DACH2: variants seen among roughly 807,000 people sequenced by gnomAD.
DACH2 encodes the protein dachshund homolog 2.
In DACH2, 17 loss-of-function variants were observed where a neutral mutation model predicts 35.8. That is an observed-to-expected ratio of 0.48 (90% CI 0.33 to 0.71). The LOEUF (loss-of-function observed/expected upper bound fraction) is 0.71. Among genes scored for constraint, DACH2 ranks in the 30% least tolerant of loss-of-function variants. The pLI, the probability that DACH2 is intolerant of heterozygous loss-of-function variation, is 0.02. For synonymous variants in DACH2, 195 were observed against 177.3 expected (o/e 1.10, Z -0.79); for missense variants, 469 against 472.7 (o/e 0.99, Z 0.07).
intron 2 of DACH2, among the ~76,000 whole-genome samples, chrX:86,456,115 C>T (rs1166497586): frequency 8.9e-6 from 1 of 111,997 alleles, no homozygotes; most frequent in Non-Finnish European, 1.9e-5. Context: ...CGTGGTTGGG[C>T]CTTCACCCCA....
chrX:86,198,947 G>T (rs1000826937), intron 1 of DACH2, among the ~76,000 whole-genome samples: 3 of 110,068 alleles, frequency 2.7e-5, no homozygotes, highest in Non-Finnish European at 5.7e-5. Context: ...TCAAAACATG[G>T]CAGAGACACA....
At chrX:86,762,812 A>G (rs2041896235) in intron 7 of DACH2, among the ~76,000 whole-genome samples, 1 of 112,132 alleles carries the variant, frequency 8.9e-6, no homozygotes, top group Non-Finnish European at 1.9e-5. Context: ...CTTTTGCATT[A>G]AAAACAATCC....
At chrX:86,651,279 G>A in intron 4 of DACH2, 112 bp downstream of exon 4, 1 of 798,485 alleles carries the variant, frequency 1.3e-6, no homozygotes, top group Non-Finnish European at 1.7e-6. Context: ...TGGTTATAAA[G>A]ATACTCAAGA....
chrX:86,308,911 T>A (rs939894609), intron 1 of DACH2, among the ~76,000 whole-genome samples: 1 of 110,786 alleles, frequency 9.0e-6, no homozygotes, highest in African/African-American at 3.3e-5. Context: ...GTCCAATGAG[T>A]CACTGGACTC....
chrX:86,546,166 C>T (rs915678434), intron 3 of DACH2, among the ~76,000 whole-genome samples: 28 of 111,375 alleles, frequency 2.5e-4, no homozygotes, highest in African/African-American at 6.2e-4. Context: ...ATAATTCATG[C>T]GCAGATGGAT....
intron 11 of DACH2, among the ~76,000 whole-genome samples, chrX:86,819,719 C>A (rs2042490165): frequency 9.0e-6 from 1 of 111,474 alleles, no homozygotes; most frequent in Non-Finnish European, 1.9e-5. Context: ...TGCCTGCGCC[C>A]AGATTGACTT....
chrX:86,807,475 A>G (rs1244451772), intron 7 of DACH2, among the ~76,000 whole-genome samples: 1 of 111,736 alleles, frequency 8.9e-6, no homozygotes, highest in African/African-American at 3.3e-5. Flanking sequence ...GCAGGGATTC[A>G]AACCCAAGCA....
At chrX:86,454,999 T>A (rs1481754218) in intron 2 of DACH2, among the ~76,000 whole-genome samples, 1 of 111,596 alleles carries the variant, frequency 9.0e-6, no homozygotes, top group Non-Finnish European at 1.9e-5. Flanking sequence ...TGTTTGTTTG[T>A]TTTTCTTTTA....
chrX:86,506,563 C>G, intron 2 of DACH2, among the ~76,000 whole-genome samples: 1 of 110,444 alleles, frequency 9.1e-6, no homozygotes, highest in Non-Finnish European at 1.9e-5. Flanking sequence ...TCAGATAATG[C>G]TTTAATTTTT....
intron 3 of DACH2, among the ~76,000 whole-genome samples, chrX:86,569,087 C>A (rs144316594): frequency 1.1e-3 from 124 of 111,625 alleles, no homozygotes; most frequent in African/African-American, 4.0e-3. Context: ...TCTTTACATG[C>A]ATTTTTACTA....
intron 2 of DACH2, among the ~76,000 whole-genome samples, chrX:86,509,732 A>G (rs1370352811): frequency 8.9e-6 from 1 of 112,120 alleles, no homozygotes; most frequent in Admixed American, 9.5e-5. Context: ...ATTTAATATA[A>G]CGTGCACATT....
intron 1 of DACH2, among the ~76,000 whole-genome samples, chrX:86,170,074 T>C (rs1569289815): frequency 8.9e-6 from 1 of 112,092 alleles, no homozygotes; most frequent in Non-Finnish European, 1.9e-5. Context: ...ACTGCTGTGG[T>C]TCTTGCAGAC....
At chrX:86,261,156 A>G (rs1337659635) in intron 1 of DACH2, among the ~76,000 whole-genome samples, 1 of 112,257 alleles carries the variant, frequency 8.9e-6, no homozygotes, top group African/African-American at 3.2e-5. Context: ...AAAGAGTTAA[A>G]TGACTGGTGA....
intron 1 of DACH2, among the ~76,000 whole-genome samples, chrX:86,292,632 T>C (rs1307465825): frequency 9.0e-6 from 1 of 110,704 alleles, no homozygotes; most frequent in African/African-American, 3.3e-5. Context: ...TGTGTCTTTG[T>C]TCTCATTGGT....
At chrX:86,398,696 A>G (rs923612008) in intron 2 of DACH2, among the ~76,000 whole-genome samples, 2 of 111,845 alleles carry the variant, frequency 1.8e-5, no homozygotes, top group Admixed American at 9.5e-5. Context: ...GTAGTTGTGT[A>G]GTTTTGAGTG....
At chrX:86,767,936 G>C (rs1192489184) in intron 7 of DACH2, among the ~76,000 whole-genome samples, 2 of 110,863 alleles carry the variant, frequency 1.8e-5, no homozygotes, top group African/African-American at 6.6e-5. Flanking sequence ...TTTGTTTGTT[G>C]TTTGTTTTTT....
intron 1 of DACH2, among the ~76,000 whole-genome samples, chrX:86,301,244 A>T (rs1281274681): frequency 8.9e-6 from 1 of 112,062 alleles, no homozygotes; most frequent in Non-Finnish European, 1.9e-5. Context: ...ATAAAAATTT[A>T]TTAGTCAAAG....
intron 11 of DACH2, chrX:86,829,638 G>GAT (rs1166501843): frequency 8.9e-6 from 1 of 112,343 alleles, no homozygotes; most frequent in Non-Finnish European, 1.9e-5. Flanking sequence ...TAACTCAACT[G>GAT]ATTAGGAGAG....
intron 1 of DACH2, among the ~76,000 whole-genome samples, chrX:86,201,748 C>T (rs1484413672): frequency 9.0e-6 from 1 of 110,504 alleles, no homozygotes; most frequent in Non-Finnish European, 1.9e-5. Flanking sequence ...GTAATTCTAC[C>T]ATTATCTCTA....
Sources: allele counts gnomAD v4.1 joint callset (sites outside exome capture counted in the v4.1 genomes callset), GRCh38; gene constraint gnomAD v4.1.1; transcripts MANE v1.5; gene names NCBI Gene and HGNC (gene_info 2026-07-23, HGNC 2026-07-21).